MMP12: variants seen among roughly 807,000 people sequenced by gnomAD.
The protein encoded by MMP12 is macrophage metalloelastase.
MMP12 carries 51 observed loss-of-function variants against 45.2 expected under a neutral mutation model. That is an observed-to-expected ratio of 1.13 (90% CI 0.90 to 1.42). The LOEUF is 1.42. MMP12 is among the 40% of genes most tolerant of loss of function. The pLI is 0.00. For missense variants in MMP12, 530 were observed against 570.8 expected (o/e 0.93, Z 0.73); for synonymous variants, 210 against 193.3 (o/e 1.09, Z -0.72).
At chr11:102,874,028 C>CAA (rs35364937) in intron 1 of MMP12, among the ~76,000 whole-genome samples, 5,417 of 97,324 alleles carry the variant, frequency 0.056, 147 homozygotes, top group Middle Eastern at 0.083. Context: ...AACCCTGTCT[C>CAA]AAAAAAAAAA....
intron 5 of MMP12, among the ~76,000 whole-genome samples, 155 bp downstream of exon 5, chr11:102,867,753 A>G (rs554584120): frequency 1.2e-4 from 18 of 152,284 alleles, no homozygotes; most frequent in African/African-American, 4.3e-4. Flanking sequence ...CCTCATCTGT[A>G]TAATGAAGAT....
At position 102,872,943 on chromosome 11, in the gene MMP12, C is replaced by A; in HGVS notation, c.272G>T (p.Arg91Leu). ...TSTLEMMHAPRCGVPDVHHFR... is the reference protein window; with the variant it reads ...TSTLEMMHAPLCGVPDVHHFR... Reference sequence around the variant, plus strand: ...ATGATGGACATCGGGGACTCCACATCGAGGTGCGTGCATCATCTCCAGGGT... The same window carrying A: ...ATGATGGACATCGGGGACTCCACATAGAGGTGCGTGCATCATCTCCAGGGT... Residue 91 changes from arginine to leucine, a missense_variant, in exon 2 of 10, where the codon CGA (arginine) becomes CTA (leucine). Arg to Leu is a moderately radical substitution (Grantham distance 102). Transcript: ENST00000571244. 1 of 1,613,728 alleles carries A rather than the reference C, an allele frequency of 6.2e-7. No homozygotes were observed. The highest frequency in any genetic ancestry group is 8.5e-7 in the Non-Finnish European group (1 of 1,179,772).
chr11:102,865,732 G>C lies in MMP12; in HGVS notation c.1205+44C>G. ...TTCTAGAAAGCCTCATTCCATATCTGTTTCACAATCTGAGGGGTCGAATGA... is the reference window on the plus strand; with the variant it reads ...TTCTAGAAAGCCTCATTCCATATCTCTTTCACAATCTGAGGGGTCGAATGA... On this transcript the variant is annotated intron_variant, in intron 8 of 9. Transcript: ENST00000571244. The surrounding 1 kb of genome is among the most constrained non-coding windows in gnomAD (Gnocchi z 4.1). 1.3e-6 allele frequency: 2 copies of C among 1,541,142 alleles called. No homozygotes were observed. Among genetic ancestry groups the C allele is most frequent in the Non-Finnish European group, 1.8e-6 (2 of 1,135,690 alleles).
intron 8 of MMP12, 66 bp from the exon 9 acceptor site, chr11:102,864,318 C>A: frequency 9.6e-7 from 1 of 1,039,776 alleles, no homozygotes. Context: ...CACCACAAAC[C>A]CACCTTCTCT....
In MMP12 at chr11:102,862,950, A is replaced by G. The variant is rs1859318626; in HGVS notation, c.*150T>C. 2 of 468,048 alleles carry G rather than the reference A, an allele frequency of 4.3e-6. No homozygotes were observed. The highest frequency in any genetic ancestry group is 3.6e-5 in the East Asian group (1 of 27,708). The allele number at this position is 468,048 out of a possible 1,614,324, so 29.0% of individuals were successfully genotyped here. ...AGAGTTTTCAAAATTGAAAAATATT[A>G]TGTATTTTATATAATCATTACCTAT... On this transcript the variant is annotated 3_prime_UTR_variant, in exon 10 of 10. Transcript: ENST00000571244.
In MMP12 at chr11:102,871,966, AAG is replaced by A. The variant is rs1243268842; in HGVS notation, c.351-16_351-15del. ...TAATTATTGATTCTTTATCAGCAAAAAGAGAGAGAAAAATGTATGGAAGGCAG... is the reference window on the plus strand; with the variant it reads ...TAATTATTGATTCTTTATCAGCAAAAAGAGAGAAAAATGTATGGAAGGCAG... On this transcript the variant is annotated splice_polypyrimidine_tract_variant and intron_variant, in intron 2 of 9. Coordinates refer to ENST00000571244, the MANE Select transcript of MMP12 (RefSeq NM_002426.6). The A allele has an allele frequency of 1.3e-6, 2 of 1,592,598 alleles. No homozygotes were observed. The highest frequency in any genetic ancestry group is 1.7e-6 in the Non-Finnish European group (2 of 1,170,998).
At position 102,862,930 on chromosome 11, in the gene MMP12, T is replaced by C. The variant is rs1422862069; in HGVS notation, c.*170A>G. Reference sequence around the variant, plus strand: ...TCAAGCAAGAATGGACAATTAGAGTTTTCAAAATTGAAAAATATTATGTAT... The same window carrying C: ...TCAAGCAAGAATGGACAATTAGAGTCTTCAAAATTGAAAAATATTATGTAT... On this transcript the variant is annotated 3_prime_UTR_variant, in exon 10 of 10. Coordinates refer to ENST00000571244, the MANE Select transcript of MMP12 (RefSeq NM_002426.6). 2.3e-6 allele frequency: 1 copy of C among 434,208 alleles called. No individual in the cohort carries two copies. The highest frequency in any genetic ancestry group is 4.0e-6 in the Non-Finnish European group (1 of 249,668). 26.9% of individuals were successfully genotyped at this position (434,208 alleles called of 1,614,324 possible).
intron 9 of MMP12, among the ~76,000 whole-genome samples, chr11:102,863,465 T>C (rs546491026): frequency 1.3e-5 from 2 of 152,152 alleles, no homozygotes; most frequent in South Asian, 4.2e-4. Context: ...TGAGATGTGA[T>C]TTGAGGACAT....
In MMP12 at chr11:102,874,952, C is replaced by G. The variant is rs200333350; in HGVS notation, c.-15G>C. ...AGAAACTTCATTGTAAACTTCTAAACGGATCAATTCAGTTTACTGTGTTCC... is the reference window on the plus strand; with the variant it reads ...AGAAACTTCATTGTAAACTTCTAAAGGGATCAATTCAGTTTACTGTGTTCC... On this transcript the variant is annotated 5_prime_UTR_variant, in exon 1 of 10. Transcript: ENST00000571244. 17 of 1,513,390 alleles carry G rather than the reference C, an allele frequency of 1.1e-5. No individual in the cohort carries two copies. The highest frequency in any genetic ancestry group is 3.8e-5 in the Admixed American group (2 of 52,850). The allele number at this position is 1,513,390 out of a possible 1,614,324, so 93.7% of individuals were successfully genotyped here.
intron 5 of MMP12, 75 bp downstream of exon 5, chr11:102,867,833 C>A: frequency 1.4e-6 from 2 of 1,439,060 alleles, no homozygotes; most frequent in South Asian, 1.3e-5. Flanking sequence ...ACGTTTTATC[C>A]AAATATAGAT....
At chr11:102,867,223 T>G (rs201875165) in intron 6 of MMP12, 47 bp downstream of exon 6, 1 of 1,478,594 alleles carries the variant, frequency 6.8e-7, no homozygotes, top group South Asian at 1.4e-5. Context: ...CAAAAAAAAT[T>G]TAAAGGCAGA....
chr11:102,867,368 C>T lies in MMP12; in HGVS notation c.813G>A (p.Leu271=). ...LYGDPKENQR[L]PNPDNSEPAL... Reference sequence around the variant, plus strand: ...CTGGTTCTGAATTGTCAGGATTTGGCAAGCGTTGGTTCTCTTTTGGGTCTC... The same window carrying T: ...CTGGTTCTGAATTGTCAGGATTTGGTAAGCGTTGGTTCTCTTTTGGGTCTC... Residue 271 remains leucine, a synonymous_variant, in exon 6 of 10, where the codon TTG becomes TTA. Transcript: ENST00000571244. 1 of 1,610,994 alleles carries T rather than the reference C, an allele frequency of 6.2e-7. No individual in the cohort carries two copies. The highest frequency in any genetic ancestry group is 1.1e-5 in the South Asian group (1 of 90,162).
At chr11:102,868,873 G>T (rs1859443995) in intron 4 of MMP12, among the ~76,000 whole-genome samples, 1 of 152,090 alleles carries the variant, frequency 6.6e-6, no homozygotes, top group Non-Finnish European at 1.5e-5. Flanking sequence ...TTATAATTTA[G>T]ACATATTTGG....
chr11:102,866,004 T>C (rs1859380156), intron 7 of MMP12, 69 bp from the exon 8 acceptor site: 3 of 1,215,064 alleles, frequency 2.5e-6, no homozygotes, highest in Non-Finnish European at 3.5e-6. Flanking sequence ...ATTGATTTAC[T>C]ATAAACAACA....
rs1421194579 is a variant in MMP12 at position 102,865,657 on chromosome 11, C to T, written c.1205+119G>A. 1.9e-5 allele frequency: 14 copies of T among 728,498 alleles called. No homozygotes were observed. The highest frequency in any genetic ancestry group is 2.9e-5 in the Non-Finnish European group (14 of 476,292). The allele number at this position is 728,498 out of a possible 1,614,324, so 45.1% of individuals were successfully genotyped here. A position where few individuals can be genotyped will look rare whatever the true frequency, so the allele number is the denominator to read the frequency against. ...TTTCAGTCCTATATTCTCTTAATCT[C>T]TCTCCCTGGAAGGTCAAGGAGCTTT... On this transcript the variant is annotated intron_variant, in intron 8 of 9. Coordinates refer to ENST00000571244, the MANE Select transcript of MMP12 (RefSeq NM_002426.6). This position sits in a 1 kb window ranked among gnomAD's most constrained non-coding sequence, Gnocchi z 4.1.
chr11:102,871,441 G>T, intron 4 of MMP12, 153 bp downstream of exon 4: 1 of 560,402 alleles, frequency 1.8e-6, no homozygotes, highest in Non-Finnish European at 2.3e-6. Flanking sequence ...TGATTTAGAG[G>T]CAAAATTATA....
At chr11:102,872,777 C>G in intron 2 of MMP12, 88 bp downstream of exon 2, 1 of 1,430,792 alleles carries the variant, frequency 7.0e-7, no homozygotes, top group South Asian at 1.4e-5. Context: ...TTATCTACTT[C>G]CAGATTTAGG....
At position 102,865,856 on chromosome 11, in the gene MMP12, G is replaced by C. The variant is rs782056485; in HGVS notation, c.1125C>G (p.Asn375Lys). ...CAGCTGCATCAATTTTTTTCACAAA[G>C]TTAGGAAAACCAAAAGAATGTATGC... is the stretch of plus-strand genomic sequence containing the variant. Reference protein sequence around the residue: ...PKSIHSFGFPNFVKKIDAAVF... With the variant: ...PKSIHSFGFPKFVKKIDAAVF... Residue 375 changes from asparagine to lysine, a missense_variant, in exon 8 of 10, where the codon AAC becomes AAG. Asn to Lys is a moderately conservative substitution (Grantham distance 94). Coordinates refer to ENST00000571244, the MANE Select transcript of MMP12 (RefSeq NM_002426.6). This position sits in a 1 kb window ranked among gnomAD's most constrained non-coding sequence, Gnocchi z 4.1. 3 of 1,613,044 alleles carry C rather than the reference G, an allele frequency of 1.9e-6. No individual in the cohort carries two copies. Among genetic ancestry groups the C allele is most frequent in the Non-Finnish European group, 2.5e-6 (3 of 1,179,364 alleles).
At chr11:102,864,688 T>A (rs1295878991) in intron 8 of MMP12, among the ~76,000 whole-genome samples, 1 of 152,226 alleles carries the variant, frequency 6.6e-6, no homozygotes, top group East Asian at 1.9e-4. Context: ...ATACACACGT[T>A]TGAGAGAAAT....
Sources: allele counts gnomAD v4.1 joint callset (sites outside exome capture counted in the v4.1 genomes callset), GRCh38; gene constraint gnomAD v4.1.1; non-coding constraint Gnocchi (gnomAD v3.1); transcripts MANE v1.5; gene names NCBI Gene and HGNC (gene_info 2026-07-23, HGNC 2026-07-21).